FNDC3A: variants seen among roughly 807,000 people sequenced by gnomAD.
FNDC3A encodes fibronectin type-III domain-containing protein 3A.
Under a neutral mutation model 148.9 loss-of-function variants are expected in FNDC3A, and 32 were observed. The observed-to-expected ratio is 0.21, with a 90% confidence interval of 0.16 to 0.29. The LOEUF (loss-of-function observed/expected upper bound fraction) is 0.29, where lower values mean the gene tolerates loss of function less well. Among genes scored for constraint, FNDC3A ranks in the 10% least tolerant of loss-of-function variants. The pLI, the probability that FNDC3A is intolerant of heterozygous loss-of-function variation, is 1.00. For synonymous variants in FNDC3A, 472 were observed against 473.6 expected, an observed-to-expected ratio of 1.00 and a Z score of 0.04; for missense variants, 1,191 against 1,452.8, an observed-to-expected ratio of 0.82 and a Z score of 2.93.
At chr13:49,157,466 A>G (rs1328612359) in intron 8 of FNDC3A, among the ~76,000 whole-genome samples, 5 of 145,030 alleles carry the variant, frequency 3.4e-5, no homozygotes, top group Admixed American at 1.4e-4. Context: ...TTTGGTTTCA[A>G]TGTCCTCCCG....
At chr13:49,151,521 AATTC>A (rs1193681977) in intron 8 of FNDC3A, among the ~76,000 whole-genome samples, 3 of 152,038 alleles carry the variant, frequency 2.0e-5, no homozygotes, top group Non-Finnish European at 4.4e-5. Flanking sequence ...CACATTTTTT[AATTC>A]ATTCAGTGAG....
intron 3 of FNDC3A, among the ~76,000 whole-genome samples, chr13:49,110,776 TA>T (rs535727982): frequency 7.7e-4 from 117 of 152,086 alleles, no homozygotes; most frequent in African/African-American, 1.2e-3. Context: ...TAATTTTATT[TA>T]AAAAAAACCT....
At chr13:49,086,072 A>T (rs537169698) in intron 3 of FNDC3A, among the ~76,000 whole-genome samples, 2 of 152,110 alleles carry the variant, frequency 1.3e-5, no homozygotes, top group Middle Eastern at 3.4e-3. Context: ...TGTAGAGACA[A>T]GGTTTCACCA....
chr13:49,115,533 A>G (rs1880894395), intron 4 of FNDC3A, among the ~76,000 whole-genome samples: 1 of 152,214 alleles, frequency 6.6e-6, no homozygotes, highest in African/African-American at 2.4e-5. Context: ...GCACACCATC[A>G]TATGAACCAC....
At chr13:49,028,984 T>C (rs995617967) in intron 2 of FNDC3A, among the ~76,000 whole-genome samples, 9 of 152,136 alleles carry the variant, frequency 5.9e-5, no homozygotes, top group African/African-American at 2.2e-4. Flanking sequence ...AGTAAGAATT[T>C]TTTTCTTGAG....
chr13:49,124,515 C>T (rs995858110), intron 4 of FNDC3A, among the ~76,000 whole-genome samples: 1 of 151,652 alleles, frequency 6.6e-6, no homozygotes, highest in Admixed American at 6.6e-5. Flanking sequence ...AAAAAAGCTT[C>T]AGAAGAAGCA....
In FNDC3A at chr13:49,142,106, A is replaced by G. The variant is rs558172561; in HGVS notation, c.819+3301A>G. On this transcript the variant is annotated intron_variant, in intron 7 of 25. Coordinates refer to ENST00000492622, the MANE Select transcript of FNDC3A (RefSeq NM_001079673.2). ...ATTTTACTTCTAACATTAGCATACAAATAGAGTTCAAATTACTTCCAAATC... is the reference window on the plus strand; with the variant it reads ...ATTTTACTTCTAACATTAGCATACAGATAGAGTTCAAATTACTTCCAAATC... 5.3e-5 allele frequency among the ~76,000 whole-genome samples: 8 copies of G among 152,312 alleles called. No homozygotes were observed. In the South Asian group the frequency reaches 6.2e-4, roughly 12 times the overall value.
intron 25 of FNDC3A, among the ~76,000 whole-genome samples, chr13:49,204,306 A>G (rs1404713940): frequency 6.6e-6 from 1 of 152,200 alleles, no homozygotes; most frequent in Non-Finnish European, 1.5e-5. Context: ...AAATACCTAT[A>G]CATTTCACCT....
chr13:49,144,965 T>A (rs1882911159), intron 7 of FNDC3A, among the ~76,000 whole-genome samples: 1 of 152,210 alleles, frequency 6.6e-6, no homozygotes, highest in African/African-American at 2.4e-5. Flanking sequence ...ACTTGCAGAA[T>A]AATATGTTCA....
At chr13:49,170,615 G>A (rs1884705022) in intron 10 of FNDC3A, among the ~76,000 whole-genome samples, 1 of 152,130 alleles carries the variant, frequency 6.6e-6, no homozygotes, top group Non-Finnish European at 1.5e-5. Context: ...ATTTTTGTGG[G>A]CAGATAGAAC....
At chr13:49,095,634 C>T (rs1202059557) in intron 3 of FNDC3A, 8 of 152,082 alleles carry the variant, frequency 5.3e-5, no homozygotes, top group Admixed American at 5.2e-4. Flanking sequence ...AAGTTAGCTT[C>T]ATTAGAAGGA....
At chr13:49,035,702 C>T (rs752736391) in intron 2 of FNDC3A, among the ~76,000 whole-genome samples, 5 of 152,068 alleles carry the variant, frequency 3.3e-5, no homozygotes, top group Non-Finnish European at 7.4e-5. Flanking sequence ...CTTACTGATT[C>T]ATCCTTGTAT....
At chr13:49,204,912 A>T (rs1886580809) in intron 25 of FNDC3A, among the ~76,000 whole-genome samples, 1 of 152,172 alleles carries the variant, frequency 6.6e-6, no homozygotes, top group Non-Finnish European at 1.5e-5. Flanking sequence ...AGTGTCATAG[A>T]CACCAATATC....
At chr13:49,152,522 T>TA (rs71076067) in intron 8 of FNDC3A, among the ~76,000 whole-genome samples, 2 of 152,104 alleles carry the variant, frequency 1.3e-5, no homozygotes, top group Non-Finnish European at 2.9e-5. Flanking sequence ...GGTTTTTTTT[T>TA]AATTATACTT....
chr13:48,994,553 C>G (rs1434699528), intron 1 of FNDC3A, among the ~76,000 whole-genome samples: 1 of 152,130 alleles, frequency 6.6e-6, no homozygotes, highest in Non-Finnish European at 1.5e-5. Flanking sequence ...CCGACGCGGG[C>G]AGATCACAAG....
intron 8 of FNDC3A, among the ~76,000 whole-genome samples, chr13:49,162,480 A>G (rs185998861): frequency 1.4e-4 from 22 of 152,210 alleles, no homozygotes; most frequent in Non-Finnish European, 2.8e-4. Flanking sequence ...GGTCTTCTCT[A>G]TGCTGTATAT....
At chr13:48,981,743 T>G (rs1011235615) in intron 1 of FNDC3A, among the ~76,000 whole-genome samples, 1 of 152,144 alleles carries the variant, frequency 6.6e-6, no homozygotes, top group Middle Eastern at 3.2e-3. Context: ...CAAAGTGCAA[T>G]GTATACTTTG....
At chr13:49,143,998 ACTACTACTACTACTG>A (rs1377271431) in intron 7 of FNDC3A, among the ~76,000 whole-genome samples, 1 of 149,658 alleles carries the variant, frequency 6.7e-6, no homozygotes, top group African/African-American at 2.5e-5. Context: ...TACTACTACT[ACTACTACTACTACTG>A]CTACTACTAC....
intron 7 of FNDC3A, among the ~76,000 whole-genome samples, chr13:49,141,236 A>G (rs536101472): frequency 3.2e-4 from 48 of 152,308 alleles, no homozygotes; most frequent in African/African-American, 1.0e-3. Context: ...ATAATTAACT[A>G]TATTGAAAGT....
Sources: gnomAD v4.1 joint callset for allele counts (sites outside exome capture counted in the v4.1 genomes callset) on GRCh38, gnomAD v4.1.1 for gene constraint, MANE v1.5 for transcripts, NCBI Gene and HGNC (gene_info 2026-07-23, HGNC 2026-07-21) for gene names.